The following LRPPRC variants were observed in gnomAD, a reference collection of about 807,000 sequenced individuals.
LRPPRC encodes the protein leucine rich pentatricopeptide repeat containing.
LRPPRC carries 120 observed loss-of-function variants against 180.3 expected under a neutral mutation model. The observed-to-expected ratio is 0.67, with a 90% CI of 0.57 to 0.77. The LOEUF (loss-of-function observed/expected upper bound fraction) is 0.77. Among genes scored for constraint, LRPPRC ranks in the 30% least tolerant of loss-of-function variants. The pLI is 0.00. For missense variants in LRPPRC, 2,012 were observed against 1,657.2 expected (o/e 1.21, Z -3.72); for synonymous variants, 723 against 600.0 (o/e 1.21, Z -3.00).
At chr2:43,991,080 A>G (rs1481601452) in intron 1 of LRPPRC, among the ~76,000 whole-genome samples, 2 of 148,162 alleles carry the variant, frequency 1.3e-5, no homozygotes, top group Non-Finnish European at 3.0e-5. Context: ...CTGAGGCTGG[A>G]GTGCAGTGGC....
chr2:43,888,513 CATTT>C lies in LRPPRC; in HGVS notation c.*83_*86del, dbSNP rs1016024030. 4 of 864,858 alleles carry C rather than the reference CATTT, an allele frequency of 4.6e-6. No homozygotes were observed. Among genetic ancestry groups the C allele is most frequent in the Admixed American group, 3.7e-5 (2 of 54,254 alleles). 53.6% of individuals were successfully genotyped at this position (864,858 alleles called of 1,614,324 possible). ...TACATAAGTACATAAAGAAAATTTT[CATTT>C]ATTTTTCCCTCAGATATACTTCAAA... On this transcript the variant is annotated 3_prime_UTR_variant, in exon 38 of 38. Transcript: ENST00000260665.
rs571785048 is a variant in LRPPRC, at chr2:43,898,245, T to C, written c.3825+974A>G. ...GATACAGTTTTTCAGGTATTCCTTT[T>C]AAAAATGGATTGGATTCTACTGTCA... On this transcript the variant is annotated intron_variant, in intron 34 of 37. Transcript: ENST00000260665. Among the ~76,000 whole-genome samples the C allele has an allele frequency of 5.3e-5, 8 of 152,176 alleles. No homozygotes were observed. The East Asian group carries it at 1.4e-3, about 26-fold the overall frequency.
intron 35 of LRPPRC, among the ~76,000 whole-genome samples, chr2:43,895,850 A>AAATTT (rs1361532060): frequency 6.6e-6 from 1 of 152,212 alleles, no homozygotes; most frequent in African/African-American, 2.4e-5. Flanking sequence ...GATCTAAGAG[A>AAATTT]AATTTAATTT....
chr2:43,987,491 CAAAAAA>C (rs34151335), intron 1 of LRPPRC, among the ~76,000 whole-genome samples: 8 of 75,914 alleles, frequency 1.1e-4, no homozygotes, highest in Non-Finnish European at 1.6e-4. Flanking sequence ...CCAGACTCCT[CAAAAAA>C]AAAAAAAAAA....
In LRPPRC at chr2:43,935,008, C is replaced by T. The variant is rs1672227187; in HGVS notation, c.2505-130G>A. 9.1e-6 allele frequency: 6 copies of T among 659,798 alleles called. No homozygotes were observed. In the South Asian group the frequency reaches 1.3e-4, roughly 14 times the overall value. 40.9% of individuals were successfully genotyped at this position (659,798 alleles called of 1,614,324 possible). The stretch of plus-strand genomic sequence containing the variant: ...CTGAGCTTTACTTAAGGTAGAAAAC[C>T]ACAAAGCTAAAATGGGGGAAAAAAA... On this transcript the variant is annotated intron_variant, in intron 23 of 37. Coordinates refer to ENST00000260665, the MANE Select transcript of LRPPRC (RefSeq NM_133259.4).
rs57965427 is a variant in LRPPRC at position 43,918,776 on chromosome 2, A to AAT, written c.2897-380_2897-379dup. On this transcript the variant is annotated intron_variant, in intron 27 of 37. Coordinates refer to ENST00000260665, the MANE Select transcript of LRPPRC (RefSeq NM_133259.4). ...CCTTTAGCGTTGCAAAGATCCTGGAAATATATATATATATAGATATATATA... is the reference window on the plus strand; with the variant it reads ...CCTTTAGCGTTGCAAAGATCCTGGAAATATATATATATATATAGATATATATA... 2.6e-3 allele frequency among the ~76,000 whole-genome samples: 375 copies of AAT among 144,238 alleles called. 2 individuals are homozygous for AAT. The highest frequency in any genetic ancestry group is 4.2e-3 in the Non-Finnish European group (281 of 66,484). 94.6% of individuals were successfully genotyped at this position (144,238 alleles called of 152,430 possible).
chr2:43,945,274 T>G, intron 22 of LRPPRC, 58 bp downstream of exon 22: 1 of 1,121,804 alleles, frequency 8.9e-7, no homozygotes, highest in Non-Finnish European at 1.4e-6. Context: ...TCAATTCACA[T>G]GTTATTCCAG....
chr2:43,937,093 G>A (rs933048752), intron 23 of LRPPRC, among the ~76,000 whole-genome samples: 53 of 151,830 alleles, frequency 3.5e-4, no homozygotes, highest in Admixed American at 1.8e-3. Context: ...CCCTACATTA[G>A]GTCAAAGCTA....
chr2:43,959,594 T>C (rs986625402), intron 13 of LRPPRC, among the ~76,000 whole-genome samples: 2 of 152,200 alleles, frequency 1.3e-5, no homozygotes, highest in African/African-American at 2.4e-5. Context: ...CTTAAGAACG[T>C]CTTATTTATT....
chr2:43,931,488 G>A (rs184103791), intron 25 of LRPPRC, among the ~76,000 whole-genome samples: 69 of 152,272 alleles, frequency 4.5e-4, no homozygotes, highest in Admixed American at 2.5e-3. Flanking sequence ...ATAAAGGGAG[G>A]AACCTCTTTG....
At chr2:43,971,035 G>C (rs1207640118) in intron 11 of LRPPRC, among the ~76,000 whole-genome samples, 1 of 151,838 alleles carries the variant, frequency 6.6e-6, no homozygotes, top group African/African-American at 2.4e-5. Flanking sequence ...GGGAGGCAGA[G>C]GTTGCAGGGA....
At chr2:43,988,695 C>A (rs748628015) in intron 1 of LRPPRC, among the ~76,000 whole-genome samples, 2 of 152,044 alleles carry the variant, frequency 1.3e-5, no homozygotes, top group East Asian at 1.9e-4. Flanking sequence ...CCCGCCACCA[C>A]GCCCAGCTAA....
chr2:43,966,293 G>T (rs1315055763), intron 11 of LRPPRC, among the ~76,000 whole-genome samples: 2 of 152,058 alleles, frequency 1.3e-5, no homozygotes, highest in African/African-American at 4.8e-5. Context: ...GGGTGTGAGT[G>T]AAAAGGGATG....
At chr2:43,958,159 T>C (rs1449816286) in intron 13 of LRPPRC, among the ~76,000 whole-genome samples, 1 of 152,196 alleles carries the variant, frequency 6.6e-6, no homozygotes, top group Non-Finnish European at 1.5e-5. Flanking sequence ...ACATAACCCT[T>C]GCCAAACTAG....
chr2:43,973,353 G>C (rs967490435), intron 11 of LRPPRC, among the ~76,000 whole-genome samples: 1 of 151,926 alleles, frequency 6.6e-6, no homozygotes, highest in Admixed American at 6.6e-5. Flanking sequence ...AAAAAACTAC[G>C]TTCATTAAGT....
intron 27 of LRPPRC, among the ~76,000 whole-genome samples, 164 bp from the exon 28 acceptor site, chr2:43,918,562 A>G (rs1231775162): frequency 6.6e-6 from 1 of 152,024 alleles, no homozygotes; most frequent in Non-Finnish European, 1.5e-5. Flanking sequence ...CGAGAAGGGA[A>G]CTTTTCTCTG....
chr2:43,935,751 T>C (rs540013084), intron 23 of LRPPRC, among the ~76,000 whole-genome samples: 1 of 152,142 alleles, frequency 6.6e-6, no homozygotes, highest in Non-Finnish European at 1.5e-5. Flanking sequence ...CTTACCATAC[T>C]GAAATAAAAT....
rs1258493063 is a variant in LRPPRC at position 43,976,289 on chromosome 2, T to C, written c.651-60A>G. ...ATTTATAAGAACACTCTTTACAACA[T>C]GTACAGAATTAGGCCTTGAGTTACT... On this transcript the variant is annotated intron_variant, in intron 5 of 37. Coordinates refer to ENST00000260665, the MANE Select transcript of LRPPRC (RefSeq NM_133259.4). The C allele has an allele frequency of 7.6e-6, 7 of 918,544 alleles. No homozygotes were observed. The South Asian group carries it at 7.9e-5, about 10-fold the overall frequency. The allele number at this position is 918,544 out of a possible 1,614,324, so 56.9% of individuals were successfully genotyped here.
chr2:43,925,032 T>C, intron 27 of LRPPRC, 35 bp downstream of exon 27: 3 of 1,195,244 alleles, frequency 2.5e-6, no homozygotes, highest in Non-Finnish European at 3.8e-6. Flanking sequence ...TTCAACAGAA[T>C]AAATGAAAGC....
Sources: gnomAD v4.1 joint callset for allele counts (sites outside exome capture counted in the v4.1 genomes callset) on GRCh38, gnomAD v4.1.1 for gene constraint, MANE v1.5 for transcripts, NCBI Gene and HGNC (gene_info 2026-07-23, HGNC 2026-07-21) for gene names.